The following PBX4 variants were observed in gnomAD, a reference collection of about 807,000 sequenced individuals.
PBX4 encodes PBX homeobox 4, also known as pre-B-cell leukemia transcription factor 4.
A neutral mutation model predicts 35.1 loss-of-function variants in PBX4; 26 were observed. The observed-to-expected ratio is 0.74, with a 90% CI of 0.54 to 1.03. The LOEUF is 1.03. Among genes scored for constraint, PBX4 ranks in the 50% least tolerant of loss-of-function variants. PBX4 has a pLI of 0.00. For synonymous variants in PBX4, 199 were observed against 204.2 expected (o/e 0.97, Z 0.22); for missense variants, 448 against 504.3 (o/e 0.89, Z 1.07).
intron 2 of PBX4, among the ~76,000 whole-genome samples, chr19:19,584,854 G>T (rs2061479267): frequency 6.6e-6 from 1 of 151,788 alleles, no homozygotes. Flanking sequence ...TCGAGCTCCT[G>T]ACCTCGTGAT....
chr19:19,567,863 C>T (rs2061352692), intron 5 of PBX4, among the ~76,000 whole-genome samples: 1 of 151,666 alleles, frequency 6.6e-6, no homozygotes, highest in Non-Finnish European at 1.5e-5. Flanking sequence ...TCAATCACCT[C>T]AGGGAGCTCA....
chr19:19,584,996 T>A (rs2061480247), intron 2 of PBX4, among the ~76,000 whole-genome samples: 1 of 152,096 alleles, frequency 6.6e-6, no homozygotes, highest in South Asian at 2.1e-4. Flanking sequence ...CAAGGAGACT[T>A]CTGGAGCCCA....
At chr19:19,594,968 T>A (rs1726186341) in intron 2 of PBX4, among the ~76,000 whole-genome samples, 1 of 152,214 alleles carries the variant, frequency 6.6e-6, no homozygotes, top group East Asian at 1.9e-4. Context: ...GTGGTCCAAC[T>A]GCCTCGGCCT....
chr19:19,574,128 C>G (rs185618397), intron 2 of PBX4, among the ~76,000 whole-genome samples: 1 of 152,024 alleles, frequency 6.6e-6, no homozygotes, highest in African/African-American at 2.4e-5. Flanking sequence ...CCACCCGCCT[C>G]GGCCTCCCAA....
intron 1 of PBX4, among the ~76,000 whole-genome samples, chr19:19,614,609 C>T (rs1264940312): frequency 1.3e-5 from 2 of 151,042 alleles, no homozygotes; most frequent in African/African-American, 4.9e-5. Context: ...GCACTCCAGC[C>T]TGATCGCGCC....
chr19:19,567,046 G>A lies in PBX4; in HGVS notation c.769-1957C>T, dbSNP rs1012626657. ...ACTTACATTATCCTTGCAATGTTAAGTATAAAAAGAAGGATCCCTGTCTGT... is the reference window on the plus strand; with the variant it reads ...ACTTACATTATCCTTGCAATGTTAAATATAAAAAGAAGGATCCCTGTCTGT... On this transcript the variant is annotated intron_variant, in intron 5 of 7. Transcript: ENST00000251203. Among the ~76,000 whole-genome samples the A allele has an allele frequency of 2.6e-5, 4 of 152,182 alleles. No homozygotes were observed. In the East Asian group the frequency reaches 7.7e-4, roughly 29 times the overall value.
chr19:19,588,290 C>T (rs555196975), intron 2 of PBX4: 34 of 1,159,746 alleles, frequency 2.9e-5, no homozygotes, highest in South Asian at 1.2e-4. Context: ...CATATGCACA[C>T]CAGAGTGCAG....
chr19:19,601,959 C>T (rs1337299002), intron 1 of PBX4, among the ~76,000 whole-genome samples: 1 of 151,998 alleles, frequency 6.6e-6, no homozygotes, highest in African/African-American at 2.4e-5. Flanking sequence ...GGCAACATGG[C>T]GAGACAATGA....
chr19:19,567,077 C>G lies in PBX4; in HGVS notation c.769-1988G>C, dbSNP rs374455055. On this transcript the variant is annotated intron_variant, in intron 5 of 7. Coordinates refer to ENST00000251203, the MANE Select transcript of PBX4 (RefSeq NM_025245.3). ...AAAGAAGGATCCCTGTCTGTGTGCT[C>G]TCTGTTCCAAACATAGTGTCTGCCT... Among the ~76,000 whole-genome samples, 35 of 152,330 alleles carry G rather than the reference C, an allele frequency of 2.3e-4. No homozygotes were observed. The South Asian group carries it at 6.6e-3, about 29-fold the overall frequency.
chr19:19,594,920 T>A (rs1351880143), intron 2 of PBX4, among the ~76,000 whole-genome samples: 1 of 152,036 alleles, frequency 6.6e-6, no homozygotes, highest in African/African-American at 2.4e-5. Flanking sequence ...CGGGGTTTCA[T>A]CATGTTGGTC....
chr19:19,611,969 T>G (rs955041767), intron 1 of PBX4, among the ~76,000 whole-genome samples: 2 of 151,776 alleles, frequency 1.3e-5, no homozygotes, highest in African/African-American at 4.8e-5. Flanking sequence ...AGACTCTGTA[T>G]CTACAAAAAA....
intron 5 of PBX4, among the ~76,000 whole-genome samples, chr19:19,565,629 G>T (rs1225286801): frequency 6.6e-6 from 1 of 152,152 alleles, no homozygotes; most frequent in Non-Finnish European, 1.5e-5. Flanking sequence ...TTAAAAAAAG[G>T]TTTTTTGGCC....
rs780985151 is a variant in PBX4 at position 19,562,039 on chromosome 19, T to C, written c.1111A>G (p.Ser371Gly). The change falls in exon 8 of 8, where the codon AGT becomes GGT. Residue 371 changes from serine (S) to glycine (G), a missense_variant. Physicochemically the swap from Ser to Gly is moderately conservative, Grantham distance 56. Coordinates refer to ENST00000251203, the MANE Select transcript of PBX4 (RefSeq NM_025245.3). This position sits in a 1 kb window ranked among gnomAD's most constrained non-coding sequence, Gnocchi z 4.8. ...PAGDPGSINS[S>G]TSN ...ATCCCCCAAACTTAATTAGATGTAC[T>C]GGAGTTGATGCTGCCAGGGTCTCCA... The C allele has an allele frequency of 1.4e-5, 23 of 1,612,862 alleles. No homozygotes were observed. The highest frequency in any genetic ancestry group is 4.0e-5 in the African/African-American group (3 of 74,892).
intron 2 of PBX4, chr19:19,588,434 GC>G: frequency 9.1e-7 from 1 of 1,098,614 alleles, no homozygotes; most frequent in Non-Finnish European, 1.4e-6. Flanking sequence ...AACTAAGCTG[GC>G]CACCACACAA....
chr19:19,616,795 T>C (rs1044762666), intron 1 of PBX4, among the ~76,000 whole-genome samples: 5 of 152,048 alleles, frequency 3.3e-5, no homozygotes, highest in Non-Finnish European at 7.4e-5. Flanking sequence ...GTGATTCTCC[T>C]GCCTCAGCCT....
chr19:19,570,733 C>T lies in PBX4; in HGVS notation c.294G>A (p.Lys98=). The change falls in exon 3 of 8, where the codon AAG becomes AAA. Residue 98 remains lysine (K), a synonymous_variant. Coordinates refer to ENST00000251203, the MANE Select transcript of PBX4 (RefSeq NM_025245.3). ...TGGCCACCGCTCCTCCTCTTCCTCTCTTCTCGGGCCTGCACACGCCCTCAG... is the reference window on the plus strand; with the variant it reads ...TGGCCACCGCTCCTCCTCTTCCTCTTTTCTCGGGCCTGCACACGCCCTCAG... ...LLAEGVCRPE[K]RGRGGAVARA... 2 of 1,614,198 alleles carry T rather than the reference C, an allele frequency of 1.2e-6. No homozygotes were observed. The highest frequency in any genetic ancestry group is 1.7e-6 in the Non-Finnish European group (2 of 1,180,040).
chr19:19,609,081 AAT>A (rs1190682433), intron 1 of PBX4, among the ~76,000 whole-genome samples: 4 of 152,170 alleles, frequency 2.6e-5, no homozygotes, highest in Non-Finnish European at 4.4e-5. Flanking sequence ...CACGGCACCC[AAT>A]CAGCTGGGCT....
Position 19,563,519 on chromosome 19 carries a change from A to C in PBX4, c.1022T>G (p.Leu341Arg). Reference sequence around the variant, plus strand: ...GTGCCTGAGACTCACCTGGGACTGCAGGCAGCCTCCCCCAGGAGGAGGCTG... The same window carrying C: ...GTGCCTGAGACTCACCTGGGACTGCCGGCAGCCTCCCCCAGGAGGAGGCTG... The part of the protein sequence containing the change: ...SLQPPPGGGC[L>R]QSQAQGSWQG... The change falls in exon 7 of 8, where the codon CTG becomes CGG. Residue 341 changes from leucine to arginine, a missense_variant. Transcript: ENST00000251203. The surrounding 1 kb of genome is among the most constrained non-coding windows in gnomAD (Gnocchi z 5.1). 1.3e-6 allele frequency: 2 copies of C among 1,547,656 alleles called. No homozygotes were observed. The highest frequency in any genetic ancestry group is 1.7e-6 in the Non-Finnish European group (2 of 1,145,036).
At chr19:19,587,715 T>C (rs183231323) in intron 2 of PBX4, among the ~76,000 whole-genome samples, 6 of 151,032 alleles carry the variant, frequency 4.0e-5, no homozygotes, top group African/African-American at 9.7e-5. Flanking sequence ...TGTTTTCCAC[T>C]GAGCGTAGTT....
Sources: gnomAD v4.1 joint callset for allele counts (sites outside exome capture counted in the v4.1 genomes callset) on GRCh38, gnomAD v4.1.1 for gene constraint, Gnocchi (gnomAD v3.1) non-coding constraint, MANE v1.5 for transcripts, NCBI Gene and HGNC (gene_info 2026-07-23, HGNC 2026-07-21) for gene names.